Variants in PRKACB observed in about 807,000 individuals in gnomAD.
PRKACB encodes cAMP-dependent protein kinase catalytic subunit beta.
Under a neutral mutation model 51.4 loss-of-function variants are expected in PRKACB, and 16 were observed. That is an observed-to-expected ratio of 0.31 (90% CI 0.21 to 0.47). PRKACB has a LOEUF of 0.47. Among genes scored for constraint, PRKACB ranks in the 20% least tolerant of loss-of-function variants. The probability of loss-of-function intolerance (pLI) is 1.00; values close to 1 mark genes in which losing one functional copy is unlikely to be tolerated. For synonymous variants in PRKACB, 147 were observed against 154.4 expected (o/e 0.95, Z 0.35); for missense variants, 309 against 464.5 (o/e 0.67, Z 3.08).
intron 1 of PRKACB, among the ~76,000 whole-genome samples, chr1:84,116,568 A>G (rs1285975354): frequency 6.6e-6 from 1 of 151,986 alleles, no homozygotes; most frequent in Non-Finnish European, 1.5e-5. Flanking sequence ...ATTCCTAGGT[A>G]TTCTTTTTGT....
intron 1 of PRKACB, among the ~76,000 whole-genome samples, chr1:84,088,595 G>C (rs1310110301): frequency 1.3e-5 from 2 of 152,192 alleles, no homozygotes; most frequent in African/African-American, 4.8e-5. Flanking sequence ...TCTTAGCTCA[G>C]CTCCCTCTGA....
In PRKACB at chr1:84,078,344, G is replaced by C. The variant is rs201535952; in HGVS notation, c.19G>C (p.Ala7Pro). The change falls in exon 1 of 9, where the codon GCC (alanine) becomes CCC (proline). Residue 7 changes from alanine (A) to proline (P), a missense_variant. Ala to Pro is a conservative substitution (Grantham distance 27). Coordinates refer to the PRKACB transcript ENST00000370688. ...CCCAGACATGGGGAACGCGGCGACC[G>C]CCAAGAAAGGCAGCGAGGTGGAGAG... 6.2e-6 allele frequency: 10 copies of C among 1,611,612 alleles called. No individual in the cohort carries two copies. In the East Asian group the frequency reaches 2.0e-4, roughly 32 times the overall value.
intron 1 of PRKACB, among the ~76,000 whole-genome samples, chr1:84,103,018 A>T (rs758249468): frequency 1.3e-5 from 2 of 152,204 alleles, no homozygotes; most frequent in African/African-American, 2.4e-5. Flanking sequence ...GAAACTAAGT[A>T]TGAGGAGTTG....
chr1:84,144,330 A>G lies in PRKACB; in HGVS notation c.-32A>G, dbSNP rs1353450224. ...GTGAGCTCCTTCTGGAAACATTTGC[A>G]GTTACATTAAGTAAAGTGTAAATGC... On this transcript the variant is annotated 5_prime_UTR_variant, in exon 1 of 10. Coordinates refer to ENST00000370685, the MANE Select transcript of PRKACB (RefSeq NM_182948.4). 2 of 1,601,268 alleles carry G rather than the reference A, an allele frequency of 1.2e-6. No individual in the cohort carries two copies. The highest frequency in any genetic ancestry group is 1.7e-6 in the Non-Finnish European group (2 of 1,176,248).
At chr1:84,221,711 C>T (rs1460774010) in intron 9 of PRKACB, among the ~76,000 whole-genome samples, 1 of 151,982 alleles carries the variant, frequency 6.6e-6, no homozygotes, top group Non-Finnish European at 1.5e-5. Flanking sequence ...CATATTGTTT[C>T]ATTTCCATCT....
At chr1:84,175,047 GA>G in intron 1 of PRKACB, 1 of 1,464,726 alleles carries the variant, frequency 6.8e-7, no homozygotes, top group African/African-American at 1.5e-5. Flanking sequence ...CTCCTCTTCA[GA>G]AATATCTGGT....
intron 5 of PRKACB, among the ~76,000 whole-genome samples, chr1:84,187,732 A>G (rs991314228): frequency 6.6e-6 from 1 of 152,178 alleles, no homozygotes; most frequent in African/African-American, 2.4e-5. Context: ...AATAACAGGT[A>G]TATTATAGTT....
intron 1 of PRKACB, among the ~76,000 whole-genome samples, chr1:84,115,099 G>A (rs1043579190): frequency 5.3e-5 from 8 of 152,056 alleles, no homozygotes; most frequent in African/African-American, 1.4e-4. Context: ...TTAGGTTTTC[G>A]AGAAATCTCC....
chr1:84,196,550 A>G (rs1408593770), intron 5 of PRKACB, 66 bp from the exon 6 acceptor site: 13 of 1,492,600 alleles, frequency 8.7e-6, no homozygotes, highest in Middle Eastern at 1.8e-4. Flanking sequence ...GTTTTTATGC[A>G]TAATCTACTA....
chr1:84,138,317 T>C (rs1278963140), intron 1 of PRKACB, among the ~76,000 whole-genome samples: 7 of 152,176 alleles, frequency 4.6e-5, no homozygotes, highest in Admixed American at 4.6e-4. Context: ...TGGAATAATT[T>C]GACCAACAAA....
chr1:84,116,219 C>T (rs1650626857), intron 1 of PRKACB, among the ~76,000 whole-genome samples: 1 of 151,846 alleles, frequency 6.6e-6, no homozygotes, highest in African/African-American at 2.4e-5. Context: ...TTTTTTATAC[C>T]AATACTGTGC....
At chr1:84,204,772 CA>C in intron 8 of PRKACB, 1 of 895,788 alleles carries the variant, frequency 1.1e-6, no homozygotes, top group Non-Finnish European at 1.4e-6. Context: ...ATAAGAAATC[CA>C]ATTTTCTAAC....
intron 3 of PRKACB, among the ~76,000 whole-genome samples, chr1:84,183,292 G>T (rs138350430): frequency 6.6e-6 from 1 of 151,870 alleles, no homozygotes; most frequent in Admixed American, 6.6e-5. Context: ...CACAGTCTTC[G>T]TGAAGTCAAG....
intron 7 of PRKACB, among the ~76,000 whole-genome samples, chr1:84,201,984 G>A (rs1297946522): frequency 1.3e-5 from 2 of 151,704 alleles, no homozygotes; most frequent in African/African-American, 2.4e-5. Flanking sequence ...TTTTACACAC[G>A]TTACTCCCTT....
chr1:84,136,409 GAA>G (rs940608945), intron 1 of PRKACB, among the ~76,000 whole-genome samples: 25 of 151,250 alleles, frequency 1.7e-4, no homozygotes, highest in African/African-American at 6.1e-4. Flanking sequence ...ATAAGTATAT[GAA>G]AAGATATTCA....
Position 84,196,720 on chromosome 1 carries a change from T to C in PRKACB, c.665T>C (p.Ile222Thr). 6.2e-7 allele frequency: 1 copy of C among 1,612,780 alleles called. No individual in the cohort carries two copies. Among genetic ancestry groups the C allele is most frequent in the Non-Finnish European group, 8.5e-7 (1 of 1,178,958 alleles). Residue 222 changes from isoleucine (I) to threonine (T), a missense_variant, in exon 6 of 10, where the codon ATT becomes ACT. Coordinates refer to ENST00000370685, the MANE Select transcript of PRKACB (RefSeq NM_182948.4). Reference sequence around the variant, plus strand: ...GATCTAAAACCTGAAAATCTCTTAATTGACCATCAAGGCTATATCCAGGTA... The same window carrying C: ...GATCTAAAACCTGAAAATCTCTTAACTGACCATCAAGGCTATATCCAGGTA... Reference protein sequence around the residue: ...YRDLKPENLLIDHQGYIQVTD... With the variant: ...YRDLKPENLLTDHQGYIQVTD...
chr1:84,113,481 A>T (rs1650395217), intron 1 of PRKACB, among the ~76,000 whole-genome samples: 8 of 152,206 alleles, frequency 5.3e-5, no homozygotes, highest in Admixed American at 5.2e-4. Context: ...AATGTTAAGC[A>T]TCAGATTGCC....
intron 9 of PRKACB, among the ~76,000 whole-genome samples, chr1:84,227,497 TA>T (rs1277304491): frequency 6.6e-6 from 1 of 152,182 alleles, no homozygotes; most frequent in Non-Finnish European, 1.5e-5. Flanking sequence ...TATTTAGAAA[TA>T]AAATCTTCTG....
intron 1 of PRKACB, among the ~76,000 whole-genome samples, chr1:84,178,141 T>C (rs187720892): frequency 5.9e-5 from 9 of 152,174 alleles, no homozygotes; most frequent in African/African-American, 2.2e-4. Context: ...GACATTGGTA[T>C]GACATTTATA....
Sources: allele counts gnomAD v4.1 joint callset (sites outside exome capture counted in the v4.1 genomes callset), GRCh38; gene constraint gnomAD v4.1.1; transcripts MANE v1.5; gene names NCBI Gene and HGNC (gene_info 2026-07-23, HGNC 2026-07-21).